Variants in ST6GALNAC3 observed in about 807,000 individuals in gnomAD.
ST6GALNAC3 encodes the protein alpha-N-acetylgalactosaminide alpha-2,6-sialyltransferase 3.
ST6GALNAC3 carries 25 observed loss-of-function variants against 32.7 expected under a neutral mutation model. The ratio of observed to expected loss-of-function variants is 0.76; its 90% CI spans 0.56 to 1.07. ST6GALNAC3 has a LOEUF of 1.07. Ranked by LOEUF, ST6GALNAC3 falls within the 50% of genes least tolerant of loss-of-function variation. ST6GALNAC3 has a pLI of 0.00. For missense variants in ST6GALNAC3, 355 were observed against 382.4 expected, an observed-to-expected ratio of 0.93 and a Z score of 0.60; for synonymous variants, 129 against 133.1, an observed-to-expected ratio of 0.97 and a Z score of 0.21.
intron 3 of ST6GALNAC3, among the ~76,000 whole-genome samples, chr1:76,607,024 C>T (rs1166846949): frequency 1.3e-5 from 2 of 152,030 alleles, no homozygotes; most frequent in African/African-American, 4.8e-5. Context: ...CAGACCTGGG[C>T]CTCTCATAAT....
At chr1:76,349,290 C>T (rs1424062892) in intron 2 of ST6GALNAC3, among the ~76,000 whole-genome samples, 3 of 152,104 alleles carry the variant, frequency 2.0e-5, no homozygotes, top group African/African-American at 4.8e-5. Context: ...GAACACCAGA[C>T]TTGTTGTCTA....
chr1:76,570,445 T>A (rs909497104), intron 3 of ST6GALNAC3, among the ~76,000 whole-genome samples: 1 of 151,978 alleles, frequency 6.6e-6, no homozygotes, highest in Non-Finnish European at 1.5e-5. Context: ...ATTCAATCCA[T>A]CTTTTCTTTT....
At chr1:76,157,912 T>C (rs1266453348) in intron 1 of ST6GALNAC3, among the ~76,000 whole-genome samples, 1 of 152,240 alleles carries the variant, frequency 6.6e-6, no homozygotes, top group African/African-American at 2.4e-5. Flanking sequence ...GTCTCCACTT[T>C]CCACTTGAGG....
chr1:76,496,993 G>T (rs901705912), intron 3 of ST6GALNAC3, among the ~76,000 whole-genome samples: 2 of 152,112 alleles, frequency 1.3e-5, no homozygotes, highest in African/African-American at 4.8e-5. Context: ...GAAAATTTTG[G>T]TATTCATTCT....
intron 1 of ST6GALNAC3, among the ~76,000 whole-genome samples, chr1:76,275,425 G>A (rs28408528): frequency 0.042 from 6,404 of 152,224 alleles, 441 homozygotes; most frequent in African/African-American, 0.15. Flanking sequence ...CAGGTGGCAG[G>A]AAGCTTAACT....
intron 3 of ST6GALNAC3, among the ~76,000 whole-genome samples, chr1:76,445,256 T>C (rs1490572354): frequency 6.6e-6 from 1 of 152,138 alleles, no homozygotes; most frequent in Non-Finnish European, 1.5e-5. Flanking sequence ...TTCTTGGAAG[T>C]GTAGTCCCAG....
At position 76,083,058 on chromosome 1, in the gene ST6GALNAC3, G is replaced by T. The variant is rs1571106391; in HGVS notation, c.18+8174G>T. Among the ~76,000 whole-genome samples the T allele has an allele frequency of 2.0e-5, 3 of 152,240 alleles. No homozygotes were observed. In the Middle Eastern group the frequency reaches 0.01, roughly 518 times the overall value. ...ATTTGGTTTCTTAGTGAATTTATTG[G>T]CTGTGCATTTACTACACACGAAGTA... On this transcript the variant is annotated intron_variant, in intron 1 of 4. Coordinates refer to ENST00000328299, the MANE Select transcript of ST6GALNAC3 (RefSeq NM_152996.4).
At chr1:76,181,565 T>C (rs944222350) in intron 1 of ST6GALNAC3, among the ~76,000 whole-genome samples, 1 of 152,196 alleles carries the variant, frequency 6.6e-6, no homozygotes, top group Non-Finnish European at 1.5e-5. Flanking sequence ...TTATATTTAA[T>C]CAACATGCAA....
chr1:76,169,947 G>A (rs1652370155), intron 1 of ST6GALNAC3, among the ~76,000 whole-genome samples: 1 of 152,122 alleles, frequency 6.6e-6, no homozygotes, highest in African/African-American at 2.4e-5. Flanking sequence ...CAGGGTTCTT[G>A]CACTGACTTC....
intron 1 of ST6GALNAC3, among the ~76,000 whole-genome samples, chr1:76,081,010 G>A (rs913028176): frequency 2.0e-5 from 3 of 152,144 alleles, no homozygotes; most frequent in African/African-American, 7.2e-5. Flanking sequence ...GATAACAACA[G>A]CAACAATAGG....
At chr1:76,113,277 G>T (rs1042349965) in intron 1 of ST6GALNAC3, among the ~76,000 whole-genome samples, 1 of 148,550 alleles carries the variant, frequency 6.7e-6, no homozygotes, top group African/African-American at 2.5e-5. Context: ...GCAGTGAGCC[G>T]AGATGGCAGC....
chr1:76,235,591 T>C (rs1389546077), intron 1 of ST6GALNAC3, among the ~76,000 whole-genome samples: 2 of 151,796 alleles, frequency 1.3e-5, no homozygotes, highest in Admixed American at 1.3e-4. Context: ...AGGTTATTTC[T>C]CTCATTTGAT....
At chr1:76,129,875 G>A (rs1025150488) in intron 1 of ST6GALNAC3, among the ~76,000 whole-genome samples, 10 of 152,152 alleles carry the variant, frequency 6.6e-5, no homozygotes, top group African/African-American at 9.7e-5. Context: ...TCTGCCAAAC[G>A]AGCCTGCTGA....
Position 76,212,661 on chromosome 1 carries a change from AT to A in ST6GALNAC3, c.19-101135del, listed in dbSNP as rs553724001. Among the ~76,000 whole-genome samples the A allele has an allele frequency of 5.1e-3, 767 of 151,760 alleles. 4 individuals carry two copies. Among genetic ancestry groups the A allele is most frequent in the African/African-American group, 0.017 (719 of 41,390 alleles). ...AATATTGAAGCAATTCAACAATTGA[AT>A]TTTTTTTTCCCCGCTAGAAAAGAGG... On this transcript the variant is annotated intron_variant, in intron 1 of 4. Transcript: ENST00000328299.
intron 1 of ST6GALNAC3, among the ~76,000 whole-genome samples, chr1:76,287,975 A>G (rs1659876910): frequency 6.6e-6 from 1 of 152,186 alleles, no homozygotes; most frequent in African/African-American, 2.4e-5. Context: ...GGGGTTTAGC[A>G]ATCAGCCTGC....
chr1:76,526,801 A>G (rs1269842435), intron 3 of ST6GALNAC3, among the ~76,000 whole-genome samples: 1 of 152,104 alleles, frequency 6.6e-6, no homozygotes, highest in Non-Finnish European at 1.5e-5. Flanking sequence ...TACTTCCTTC[A>G]TATTTAATTG....
At chr1:76,396,725 C>A (rs558858507) in intron 2 of ST6GALNAC3, among the ~76,000 whole-genome samples, 1 of 152,274 alleles carries the variant, frequency 6.6e-6, no homozygotes, top group Admixed American at 6.5e-5. Flanking sequence ...AGTCTATAGT[C>A]TTTTCTTAGT....
At chr1:76,539,294 G>T (rs1033978943) in intron 3 of ST6GALNAC3, among the ~76,000 whole-genome samples, 1 of 152,140 alleles carries the variant, frequency 6.6e-6, no homozygotes, top group African/African-American at 2.4e-5. Flanking sequence ...AAATGGTGCT[G>T]GGAAAACTGG....
At chr1:76,280,357 G>A (rs771314456) in intron 1 of ST6GALNAC3, among the ~76,000 whole-genome samples, 3 of 152,200 alleles carry the variant, frequency 2.0e-5, no homozygotes, top group Admixed American at 6.5e-5. Context: ...ACTCTCCAAT[G>A]TCTCTCTTTT....
Sources: gnomAD v4.1 joint callset for allele counts (sites outside exome capture counted in the v4.1 genomes callset) on GRCh38, gnomAD v4.1.1 for gene constraint, MANE v1.5 for transcripts, NCBI Gene and HGNC (gene_info 2026-07-23, HGNC 2026-07-21) for gene names.